The following GPA33 variants were observed in gnomAD, a reference collection of about 807,000 sequenced individuals.
GPA33 encodes the protein cell surface A33 antigen.
In GPA33, 27 loss-of-function variants were observed where a neutral mutation model predicts 35.6. That is an observed-to-expected ratio of 0.76 (90% confidence interval 0.56 to 1.04). The LOEUF (loss-of-function observed/expected upper bound fraction) is 1.04. GPA33 is among the 50% of genes least tolerant of loss of function. The pLI is 0.00. For missense variants in GPA33, 428 were observed against 411.9 expected (o/e 1.04, Z -0.34); for synonymous variants, 176 against 164.0 (o/e 1.07, Z -0.56).
chr1:167,067,275 AATTTATTTATTT>A (rs57948383), intron 3 of GPA33, among the ~76,000 whole-genome samples: 12 of 146,804 alleles, frequency 8.2e-5, no homozygotes, highest in African/African-American at 2.5e-4. Flanking sequence ...CCTCCACCTC[AATTTATTTATTT>A]ATTTATTTAT....
chr1:167,085,035 A>G (rs1292013863), intron 1 of GPA33, among the ~76,000 whole-genome samples: 1 of 152,200 alleles, frequency 6.6e-6, no homozygotes, highest in East Asian at 1.9e-4. Flanking sequence ...GTGTTCCACA[A>G]ATCTAAGTTG....
At chr1:167,069,582 C>A (rs950200356) in intron 2 of GPA33, among the ~76,000 whole-genome samples, 6 of 152,230 alleles carry the variant, frequency 3.9e-5, no homozygotes, top group African/African-American at 1.4e-4. Context: ...ATTTTCTTGA[C>A]TCTTGCCTTT....
At chr1:167,079,495 A>G (rs1025952098) in intron 1 of GPA33, among the ~76,000 whole-genome samples, 7 of 151,962 alleles carry the variant, frequency 4.6e-5, no homozygotes, top group African/African-American at 7.2e-5. Context: ...AAAAAAAAAA[A>G]AAAAAAGAAA....
intron 1 of GPA33, among the ~76,000 whole-genome samples, chr1:167,087,258 GTAA>G (rs1667071451): frequency 1.7e-5 from 1 of 57,794 alleles, no homozygotes; most frequent in African/African-American, 8.2e-5. Flanking sequence ...CTAATTTTCT[GTAA>G]CTTACATTCC....
intron 2 of GPA33, among the ~76,000 whole-genome samples, chr1:167,073,156 T>C (rs1272922651): frequency 2.6e-5 from 4 of 152,162 alleles, no homozygotes. Flanking sequence ...TCATTTGAGA[T>C]TGGCCACCAG....
chr1:167,082,183 G>C, intron 1 of GPA33: 1 of 296,714 alleles, frequency 3.4e-6, no homozygotes, highest in Non-Finnish European at 6.9e-6. Flanking sequence ...ATCACAGACA[G>C]AGAGAGAGAG....
intron 1 of GPA33, among the ~76,000 whole-genome samples, chr1:167,089,178 G>T (rs907139965): frequency 6.6e-6 from 1 of 152,090 alleles, no homozygotes; most frequent in Non-Finnish European, 1.5e-5. Flanking sequence ...CCCTTCCCTC[G>T]AGAGCCCCAA....
chr1:167,069,936 G>A (rs886734079), intron 2 of GPA33, among the ~76,000 whole-genome samples: 5 of 152,146 alleles, frequency 3.3e-5, no homozygotes, highest in African/African-American at 9.7e-5. Flanking sequence ...GATAATTCAC[G>A]AATTCTGCAC....
intron 5 of GPA33, 31 bp downstream of exon 5, chr1:167,055,699 T>C (rs752911787): frequency 1.2e-6 from 2 of 1,611,752 alleles, no homozygotes; most frequent in Non-Finnish European, 1.7e-6. Flanking sequence ...CTGTGGCGTT[T>C]GTCAGCCCTC....
intron 1 of GPA33, among the ~76,000 whole-genome samples, chr1:167,075,565 T>G (rs199595415): frequency 1.2e-4 from 19 of 152,172 alleles, no homozygotes; most frequent in East Asian, 9.6e-4. Flanking sequence ...GGAGTTTGTT[T>G]GAGGACTTGC....
At chr1:167,057,941 G>A (rs1378518095) in intron 4 of GPA33, among the ~76,000 whole-genome samples, 2 of 152,240 alleles carry the variant, frequency 1.3e-5, no homozygotes, top group African/African-American at 4.8e-5. Flanking sequence ...GCTCACGCCT[G>A]TAATCCCAGC....
chr1:167,066,900 C>A (rs1387344113), intron 3 of GPA33, among the ~76,000 whole-genome samples: 1 of 152,204 alleles, frequency 6.6e-6, no homozygotes, highest in Non-Finnish European at 1.5e-5. Flanking sequence ...CCCCGAGGCG[C>A]GGGCTGAGGG....
At chr1:167,066,742 A>C (rs1666599800) in intron 3 of GPA33, among the ~76,000 whole-genome samples, 1 of 152,172 alleles carries the variant, frequency 6.6e-6, no homozygotes, top group East Asian at 1.9e-4. Flanking sequence ...GAGGGAGGGG[A>C]AACGGAACCA....
Position 167,053,978 on chromosome 1 carries a change from C to T in GPA33, c.*356G>A, listed in dbSNP as rs546752990. 8.5e-5 allele frequency: 22 copies of T among 258,020 alleles called. No individual in the cohort carries two copies. Among genetic ancestry groups the T allele is most frequent in the Middle Eastern group, 2.7e-3 (2 of 740 alleles). The allele number at this position is 258,020 out of a possible 1,614,324, so 16.0% of individuals were successfully genotyped here. On this transcript the variant is annotated 3_prime_UTR_variant, in exon 7 of 7. Coordinates refer to ENST00000367868, the MANE Select transcript of GPA33 (RefSeq NM_005814.3). Reference sequence around the variant, plus strand: ...CCCCCACCCCCCAAGGCTGGCATCGCCTCCCTGGAGAGTTCTGAGTGGGAG... The same window carrying T: ...CCCCCACCCCCCAAGGCTGGCATCGTCTCCCTGGAGAGTTCTGAGTGGGAG...
At chr1:167,060,602 C>G (rs1473887356) in intron 4 of GPA33, among the ~76,000 whole-genome samples, 1 of 148,044 alleles carries the variant, frequency 6.8e-6, no homozygotes, top group Non-Finnish European at 1.5e-5. Flanking sequence ...AAGCAATTCT[C>G]TTTTCACCTC....
At chr1:167,085,454 T>G (rs1667029250) in intron 1 of GPA33, among the ~76,000 whole-genome samples, 1 of 152,170 alleles carries the variant, frequency 6.6e-6, no homozygotes, top group African/African-American at 2.4e-5. Context: ...GCAGCATGGT[T>G]GTATTACCAA....
intron 2 of GPA33, among the ~76,000 whole-genome samples, chr1:167,071,263 T>C (rs1049766306): frequency 4.6e-5 from 7 of 152,312 alleles, no homozygotes; most frequent in African/African-American, 1.7e-4. Flanking sequence ...AAGTGGCTGC[T>C]GGTGTGAAAT....
At chr1:167,056,906 ATGTG>A (rs1666317189) in intron 4 of GPA33, among the ~76,000 whole-genome samples, 1 of 86,110 alleles carries the variant, frequency 1.2e-5, no homozygotes, top group Non-Finnish European at 2.4e-5. Flanking sequence ...TGTGTGCTGC[ATGTG>A]GTGTGTGTGG....
At chr1:167,070,843 A>T (rs1185908523) in intron 2 of GPA33, among the ~76,000 whole-genome samples, 1 of 152,250 alleles carries the variant, frequency 6.6e-6, no homozygotes, top group African/African-American at 2.4e-5. Context: ...TCCGATGGAC[A>T]GAGTAAGGGA....
Sources: gnomAD v4.1 joint callset for allele counts (sites outside exome capture counted in the v4.1 genomes callset) on GRCh38, gnomAD v4.1.1 for gene constraint, MANE v1.5 for transcripts, NCBI Gene and HGNC (gene_info 2026-07-23, HGNC 2026-07-21) for gene names.